RBM26: variants seen among roughly 807,000 people sequenced by gnomAD.
RBM26 encodes the protein RNA-binding protein 26.
RBM26 carries 30 observed loss-of-function variants against 123.6 expected under a neutral mutation model. The observed-to-expected ratio is 0.24, with a 90% CI of 0.18 to 0.33. The LOEUF (loss-of-function observed/expected upper bound fraction) is 0.33, where lower values mean the gene tolerates loss of function less well. RBM26 is among the 10% of genes least tolerant of loss of function. The pLI is 1.00. For missense variants in RBM26, 947 were observed against 1,203.6 expected, an observed-to-expected ratio of 0.79 and a Z score of 3.15; for synonymous variants, 400 against 404.4, an observed-to-expected ratio of 0.99 and a Z score of 0.13.
chr13:79,357,386 C>T (rs116351185), intron 11 of RBM26, among the ~76,000 whole-genome samples: 4,319 of 151,842 alleles, frequency 0.028, 171 homozygotes, highest in African/African-American at 0.085. Context: ...GAACACCATA[C>T]AAAATGGGGG....
At chr13:79,314,625 A>G (rs1407161678), downstream of RBM26, 1 of 154,624 alleles carries the variant, frequency 6.5e-6, no homozygotes, top group East Asian at 1.9e-4. Flanking sequence ...TAATGAACAC[A>G]GTAGTATGGC....
At chr13:79,373,472 A>T (rs2076289128) in intron 3 of RBM26, among the ~76,000 whole-genome samples, 15 of 738 alleles carry the variant, frequency 0.02, no homozygotes, top group East Asian at 0.19. Flanking sequence ...TAATATGTAT[A>T]AATATACAAA....
At chr13:79,375,668 C>T (rs2076613368) in intron 3 of RBM26, among the ~76,000 whole-genome samples, 1 of 151,980 alleles carries the variant, frequency 6.6e-6, no homozygotes. Flanking sequence ...TTCTGGTCTT[C>T]CCAGGCAGAT....
At chr13:79,359,804 ATATAAT>A in intron 9 of RBM26, 118 bp from the exon 10 acceptor site, 12 of 178,582 alleles carry the variant, frequency 6.7e-5, no homozygotes, top group East Asian at 9.7e-5. Context: ...ATATATATAT[ATATAAT>A]TTTTTTTTTA....
chr13:79,344,628 C>G, intron 15 of RBM26, 41 bp downstream of exon 15: 1 of 1,570,344 alleles, frequency 6.4e-7, no homozygotes, highest in Non-Finnish European at 8.7e-7. Flanking sequence ...GAAAGCTTTC[C>G]TATATGCAAA....
At chr13:79,364,985 TAA>T (rs1244347081) in intron 9 of RBM26, among the ~76,000 whole-genome samples, 1 of 144,512 alleles carries the variant, frequency 6.9e-6, no homozygotes. Context: ...TACAAATTAC[TAA>T]AAAAAAAAAG....
In RBM26 at chr13:79,406,117, C is replaced by T. The variant is rs1047417554; in HGVS notation, c.-343G>A. ...CCGAGCCTTCTCTCAGCCTCGGGAC[C>T]AGGTGCTTGTTGGCTACGTCGAAAA... On this transcript the variant is annotated 5_prime_UTR_variant, in exon 1 of 22. Transcript: ENST00000438737. 6.6e-5 allele frequency: 13 copies of T among 197,414 alleles called. No individual in the cohort carries two copies. The highest frequency in any genetic ancestry group is 2.1e-4 in the African/African-American group (9 of 42,990). 12.2% of individuals were successfully genotyped at this position (197,414 alleles called of 1,614,324 possible).
intron 9 of RBM26, 123 bp from the exon 10 acceptor site, chr13:79,359,809 AT>A (rs61005887): frequency 0.018 from 1,155 of 63,246 alleles, 12 homozygotes; most frequent in Non-Finnish European, 0.019. Context: ...TATATATATA[AT>A]TTTTTTTTTA....
chr13:79,398,909 C>T (rs1173504349), intron 1 of RBM26, among the ~76,000 whole-genome samples: 2 of 152,170 alleles, frequency 1.3e-5, no homozygotes, highest in Non-Finnish European at 2.9e-5. Context: ...TCAACTAACG[C>T]ATTTAATAAT....
At chr13:79,360,968 C>A (rs979459788) in intron 9 of RBM26, among the ~76,000 whole-genome samples, 2 of 152,018 alleles carry the variant, frequency 1.3e-5, no homozygotes, top group South Asian at 2.1e-4. Flanking sequence ...CCTAACTAAC[C>A]AAAAGAACTG....
intron 14 of RBM26, among the ~76,000 whole-genome samples, chr13:79,348,954 T>A (rs1043757591): frequency 9.2e-5 from 14 of 152,184 alleles, no homozygotes; most frequent in Admixed American, 8.5e-4. Context: ...AAAAACTGTA[T>A]AGAGATGTCC....
At chr13:79,326,248 G>C (rs116654271) in intron 20 of RBM26, among the ~76,000 whole-genome samples, 317 of 152,272 alleles carry the variant, frequency 2.1e-3, no homozygotes, top group African/African-American at 7.2e-3. Context: ...AATAATTAAT[G>C]CAAATAACTT....
At chr13:79,339,041 T>A (rs376802471) in intron 18 of RBM26, among the ~76,000 whole-genome samples, 17 of 152,328 alleles carry the variant, frequency 1.1e-4, no homozygotes, top group East Asian at 7.7e-4. Flanking sequence ...CAGGCACAGC[T>A]GCCAAATCTC....
Position 79,333,527 on chromosome 13 carries a change from A to T in RBM26, c.2820+817T>A, listed in dbSNP as rs545505266. On this transcript the variant is annotated intron_variant, in intron 20 of 21. Coordinates refer to ENST00000438737, the MANE Select transcript of RBM26 (RefSeq NM_001366735.2). ...CTTATTTAAGTTGAAATCAACTTAA[A>T]ACTTCTGAAAAGCATCTCACTCTTT... Among the ~76,000 whole-genome samples the T allele has an allele frequency of 1.4e-4, 22 of 152,340 alleles. No individual in the cohort carries two copies. The South Asian group carries it at 3.9e-3, about 27-fold the overall frequency.
intron 16 of RBM26, 34 bp from the exon 17 acceptor site, chr13:79,342,865 A>G: frequency 7.7e-7 from 1 of 1,303,460 alleles, no homozygotes. Context: ...AAATAAAGCT[A>G]ATTACTCCTA....
chr13:79,370,974 G>A lies in RBM26; in HGVS notation c.605C>T (p.Thr202Ile). 6.3e-7 allele frequency: 1 copy of A among 1,592,038 alleles called. No homozygotes were observed. The highest frequency in any genetic ancestry group is 8.6e-7 in the Non-Finnish European group (1 of 1,159,876). ...GCTTCGTGTTCTGCTTCTGCTTCTA[G>A]TCCTGCTTCTATCTCTGTCCCTCTC... ...LRERDRDRSR[T>I]RSRSRTRSRE... is the part of the protein sequence containing the mutation. The change falls in exon 5 of 22, where the codon ACT (threonine) becomes ATT (isoleucine). Residue 202 changes from threonine to isoleucine, a missense_variant. By Grantham distance (89) the Thr-to-Ile change is moderately conservative. This residue lies in a region of RBM26 where 275 missense variants were observed against 361.0 expected (regional missense o/e 0.76). Transcript: ENST00000438737.
intron 1 of RBM26, 39 bp from the exon 2 acceptor site, chr13:79,378,946 C>G (rs779618364): frequency 8.3e-7 from 1 of 1,205,276 alleles, no homozygotes; most frequent in Non-Finnish European, 1.2e-6. Context: ...ATTTAGCCAA[C>G]TGCACATTCT....
chr13:79,365,932 C>T (rs977063073), intron 8 of RBM26, 123 bp downstream of exon 8: 5 of 1,036,538 alleles, frequency 4.8e-6, no homozygotes, highest in Non-Finnish European at 5.6e-6. Context: ...AATGTTCATT[C>T]ACCACGGCTA....
At chr13:79,390,628 G>A (rs2077881665) in intron 1 of RBM26, among the ~76,000 whole-genome samples, 1 of 152,074 alleles carries the variant, frequency 6.6e-6, no homozygotes, top group Non-Finnish European at 1.5e-5. Flanking sequence ...AGTAAAGCAT[G>A]GTATGCATGC....
Sources: allele counts gnomAD v4.1 joint callset (sites outside exome capture counted in the v4.1 genomes callset), GRCh38; gene constraint gnomAD v4.1.1; regional missense constraint gnomAD v4.1.1; transcripts MANE v1.5; gene names NCBI Gene and HGNC (gene_info 2026-07-23, HGNC 2026-07-21).